Variants in CDH12 observed in about 807,000 individuals in gnomAD.
The protein encoded by CDH12 is cadherin-12.
Under a neutral mutation model 74.1 loss-of-function variants are expected in CDH12, and 41 were observed. That is an observed-to-expected ratio of 0.55 (90% CI 0.43 to 0.72). The LOEUF (loss-of-function observed/expected upper bound fraction) is 0.72. Ranked by LOEUF, CDH12 falls within the 30% of genes least tolerant of loss-of-function variation. CDH12 has a pLI of 0.00. For synonymous variants in CDH12, 399 were observed against 355.0 expected, an observed-to-expected ratio of 1.12 and a Z score of -1.39; for missense variants, 945 against 977.2, an observed-to-expected ratio of 0.97 and a Z score of 0.44.
At chr5:22,186,621 T>C (rs1158848956) in intron 4 of CDH12, among the ~76,000 whole-genome samples, 1 of 152,124 alleles carries the variant, frequency 6.6e-6, no homozygotes, top group Non-Finnish European at 1.5e-5. Flanking sequence ...CAGGCGTGCA[T>C]CACCATGCCC....
intron 6 of CDH12, among the ~76,000 whole-genome samples, chr5:21,928,650 T>A (rs926550127): frequency 2.0e-5 from 3 of 152,044 alleles, no homozygotes; most frequent in Non-Finnish European, 2.9e-5. Flanking sequence ...AAAAATTCTA[T>A]CAAGAGTTTT....
intron 5 of CDH12, among the ~76,000 whole-genome samples, chr5:21,978,638 T>C (rs1439629928): frequency 6.6e-6 from 1 of 152,168 alleles, no homozygotes. Flanking sequence ...TCAGTATCAT[T>C]TGAAATTTTT....
intron 6 of CDH12, among the ~76,000 whole-genome samples, chr5:21,930,480 G>A (rs1284496975): frequency 6.6e-6 from 1 of 152,102 alleles, no homozygotes; most frequent in African/African-American, 2.4e-5. Flanking sequence ...ATGCCTTTTG[G>A]TTAATTCTTG....
chr5:22,074,498 A>G (rs1742170175), intron 5 of CDH12, among the ~76,000 whole-genome samples: 1 of 152,218 alleles, frequency 6.6e-6, no homozygotes, highest in Non-Finnish European at 1.5e-5. Flanking sequence ...CCGCACAGCA[A>G]AAGAAATTAC....
intron 3 of CDH12, among the ~76,000 whole-genome samples, chr5:22,222,641 C>T (rs1752058968): frequency 6.6e-6 from 1 of 151,508 alleles, no homozygotes; most frequent in Non-Finnish European, 1.5e-5. Context: ...CATTTCTTGA[C>T]AAAATTAATA....
At chr5:22,271,658 CT>C (rs1393746944) in intron 3 of CDH12, among the ~76,000 whole-genome samples, 1 of 152,184 alleles carries the variant, frequency 6.6e-6, no homozygotes, top group East Asian at 1.9e-4. Context: ...CGAGAATACT[CT>C]TTGGTCTTTG....
At chr5:21,769,323 T>C (rs925921865) in intron 11 of CDH12, among the ~76,000 whole-genome samples, 4 of 152,100 alleles carry the variant, frequency 2.6e-5, no homozygotes, top group Admixed American at 6.6e-5. Context: ...AAATGATTAT[T>C]GCTTAAAGAT....
At chr5:22,711,253 T>A (rs1334714053) in intron 1 of CDH12, among the ~76,000 whole-genome samples, 2 of 152,032 alleles carry the variant, frequency 1.3e-5, no homozygotes, top group Admixed American at 6.6e-5. Context: ...TATATTGAGA[T>A]CTTGGGTGTT....
At chr5:22,790,559 T>A (rs999540594) in intron 1 of CDH12, among the ~76,000 whole-genome samples, 1 of 151,854 alleles carries the variant, frequency 6.6e-6, no homozygotes, top group Non-Finnish European at 1.5e-5. Context: ...TAAAAATGAA[T>A]CCCTCTTCTG....
intron 1 of CDH12, among the ~76,000 whole-genome samples, chr5:22,829,243 C>A (rs1736470852): frequency 6.6e-6 from 1 of 152,138 alleles, no homozygotes; most frequent in African/African-American, 2.4e-5. Flanking sequence ...GGACTTGGGA[C>A]AACTTAGTTA....
At chr5:22,660,662 C>T (rs34343467) in intron 1 of CDH12, among the ~76,000 whole-genome samples, 47,952 of 152,036 alleles carry the variant, frequency 0.32, 8,045 homozygotes, top group Non-Finnish European at 0.38. Flanking sequence ...AAGTAATCTC[C>T]CTGCCTCCAC....
At chr5:22,402,699 T>C (rs1027257674) in intron 3 of CDH12, among the ~76,000 whole-genome samples, 2 of 152,210 alleles carry the variant, frequency 1.3e-5, no homozygotes, top group Non-Finnish European at 2.9e-5. Flanking sequence ...GGAATTTCAC[T>C]GTTGGAAGAG....
At chr5:22,193,178 T>C (rs1750408203) in intron 4 of CDH12, among the ~76,000 whole-genome samples, 1 of 152,220 alleles carries the variant, frequency 6.6e-6, no homozygotes, top group Non-Finnish European at 1.5e-5. Context: ...TTGTTTGTTT[T>C]TGAATACTAA....
At chr5:22,500,121 A>G (rs1017849176) in intron 2 of CDH12, among the ~76,000 whole-genome samples, 1 of 152,178 alleles carries the variant, frequency 6.6e-6, no homozygotes, top group Non-Finnish European at 1.5e-5. Context: ...GGGGAAATTA[A>G]CAGATTAGCC....
intron 1 of CDH12, among the ~76,000 whole-genome samples, chr5:22,597,216 A>T (rs1580802471): frequency 6.6e-6 from 1 of 152,198 alleles, no homozygotes; most frequent in Non-Finnish European, 1.5e-5. Context: ...TTTCTTCCTC[A>T]TTATATTACA....
At chr5:22,656,224 A>C (rs2126890837) in intron 1 of CDH12, among the ~76,000 whole-genome samples, 1 of 152,268 alleles carries the variant, frequency 6.6e-6, no homozygotes, top group African/African-American at 2.4e-5. Flanking sequence ...TTTTACACAC[A>C]TGTTCTGCAT....
chr5:22,600,762 A>G (rs1736820430), intron 1 of CDH12, among the ~76,000 whole-genome samples: 1 of 151,966 alleles, frequency 6.6e-6, no homozygotes, highest in Admixed American at 6.6e-5. Flanking sequence ...AATTTTACAT[A>G]TATAATCGAA....
chr5:22,260,906 CTTAT>C (rs940960405), intron 3 of CDH12, among the ~76,000 whole-genome samples: 3 of 151,884 alleles, frequency 2.0e-5, no homozygotes, highest in African/African-American at 7.2e-5. Context: ...AGATAACTGG[CTTAT>C]TTCTGTTCCG....
intron 1 of CDH12, among the ~76,000 whole-genome samples, chr5:22,725,774 A>G (rs747456021): frequency 2.0e-5 from 3 of 151,786 alleles, no homozygotes; most frequent in Admixed American, 6.6e-5. Flanking sequence ...AGAAAGTGAC[A>G]TTAGTAGATG....
Sources: gnomAD v4.1 joint callset for allele counts (sites outside exome capture counted in the v4.1 genomes callset) on GRCh38, gnomAD v4.1.1 for gene constraint, MANE v1.5 for transcripts, NCBI Gene and HGNC (gene_info 2026-07-23, HGNC 2026-07-21) for gene names.